COL6A5: variants seen among roughly 807,000 people sequenced by gnomAD.
COL6A5 encodes the protein collagen alpha-5(VI) chain.
A neutral mutation model predicts 65.6 loss-of-function variants in COL6A5; 48 were observed. That is an observed-to-expected ratio of 0.73 (90% CI 0.58 to 0.93). The LOEUF is 0.93. COL6A5 is among the 40% of genes least tolerant of loss of function. COL6A5 has a pLI of 0.00. For missense variants in COL6A5, 914 were observed against 928.3 expected (o/e 0.98, Z 0.20); for synonymous variants, 291 against 322.8 (o/e 0.90, Z 1.05).
In COL6A5 at chr3:130,406,327, A is replaced by C. The variant is rs59629559; in HGVS notation, c.4479+6A>C. On this transcript the variant is annotated splice_donor_region_variant and intron_variant and NMD_transcript_variant, in intron 17 of 41. Transcript: ENST00000312481. ...AAGGTGATCCAGGATCTCAGGTAAC[A>C]CTTTTCTTTTCAATACTTCAAAGAA... 2.6e-6 allele frequency: 4 copies of C among 1,545,892 alleles called. No homozygotes were observed. Among genetic ancestry groups the C allele is most frequent in the Non-Finnish European group, 3.5e-6 (4 of 1,142,120 alleles).
At chr3:130,438,430 G>C (rs951117010) in intron 1 of COL6A5, among the ~76,000 whole-genome samples, 2 of 152,142 alleles carry the variant, frequency 1.3e-5, no homozygotes, top group Non-Finnish European at 2.9e-5. Context: ...AATGAATGAA[G>C]AGCATGGGGT....
At chr3:130,461,924 A>C (rs930400479) in intron 5 of COL6A5, among the ~76,000 whole-genome samples, 2 of 151,968 alleles carry the variant, frequency 1.3e-5, no homozygotes, top group African/African-American at 4.8e-5. Flanking sequence ...CTTTCTGCAG[A>C]CTACTGTTTC....
exon 8 of COL6A5, chr3:130,484,483 T>G: frequency 5.0e-6 from 2 of 401,650 alleles, no homozygotes; most frequent in Non-Finnish European, 8.8e-6. Flanking sequence ...TTCTTAAAAC[T>G]GGAAAGCCAT....
Position 130,358,651 on chromosome 3 carries a change from TC to T in COL6A5, c.-29+12676del, listed in dbSNP as rs202185722. Among the ~76,000 whole-genome samples the T allele has an allele frequency of 3.9e-3, 601 of 152,216 alleles. 2 individuals are homozygous for T. The highest frequency in any genetic ancestry group is 0.013 in the African/African-American group (539 of 41,534). ...AGCCATGTGGTAATGTGGAATTTTTTCCCCCCAATCAGGATTCCAAAACTTC... is the reference window on the plus strand; with the variant it reads ...AGCCATGTGGTAATGTGGAATTTTTTCCCCCAATCAGGATTCCAAAACTTC... On this transcript the variant is annotated intron_variant and NMD_transcript_variant, in intron 1 of 41. Coordinates refer to the COL6A5 transcript ENST00000312481.
intron 12 of COL6A5, among the ~76,000 whole-genome samples, chr3:130,402,864 A>C (rs1209331407): frequency 1.3e-5 from 2 of 152,220 alleles, no homozygotes; most frequent in Non-Finnish European, 2.9e-5. Flanking sequence ...ATACAAATGA[A>C]GTTTTTCTTT....
At position 130,388,823 on chromosome 3, in the gene COL6A5, A is replaced by G. The variant is rs561794912; in HGVS notation, c.2105A>G (p.Asn702Ser). The G allele has an allele frequency of 1.8e-4, 273 of 1,551,412 alleles. No homozygotes were observed. The highest frequency in any genetic ancestry group is 3.5e-4 in the Admixed American group (18 of 50,984). ...GCAATAGATAGAATGTCTCTCATCA[A>G]TGAAGGCACTTTAACTGGAAAGGCA... The change falls in exon 6 of 42, where the codon AAT becomes AGT. Residue 702 changes from asparagine to serine, a missense_variant and NMD_transcript_variant. Coordinates refer to the COL6A5 transcript ENST00000312481.
exon 23 of COL6A5, chr3:130,415,675 GA>G (rs1937316477): frequency 1.9e-6 from 3 of 1,548,294 alleles, no homozygotes; most frequent in South Asian, 2.4e-5. Context: ...CAGAAAAGGA[GA>G]AAAAGGAAGC....
At chr3:130,452,124 T>C (rs185657236) in intron 4 of COL6A5, among the ~76,000 whole-genome samples, 17 of 152,278 alleles carry the variant, frequency 1.1e-4, no homozygotes, top group Non-Finnish European at 2.2e-4. Context: ...GAGATAAGCA[T>C]GATGCTTAGA....
intron 22 of COL6A5, among the ~76,000 whole-genome samples, chr3:130,415,345 G>A (rs985397423): frequency 2.6e-4 from 39 of 152,062 alleles, no homozygotes; most frequent in Non-Finnish European, 2.9e-5. Flanking sequence ...TCATCTGACT[G>A]TTGTTTGTGT....
exon 8 of COL6A5, chr3:130,484,215 TGAG>T: frequency 4.8e-6 from 3 of 627,490 alleles, no homozygotes; most frequent in South Asian, 5.4e-5. Context: ...TCTCAAATCT[TGAG>T]GAGAAGAATT....
chr3:130,449,155 T>C (rs561973332), intron 4 of COL6A5, among the ~76,000 whole-genome samples: 1 of 152,274 alleles, frequency 6.6e-6, no homozygotes, highest in South Asian at 2.1e-4. Context: ...CACTGCTAAA[T>C]CCAAATGGGT....
At chr3:130,416,724 T>A (rs781367886) in intron 23 of COL6A5, 33 bp from the exon 24 acceptor site, 3 of 1,266,278 alleles carry the variant, frequency 2.4e-6, no homozygotes, top group African/African-American at 3.0e-5. Context: ...ATTACTACGG[T>A]GCCAACATTT....
At chr3:130,457,797 T>TAGTG (rs1321777368) in intron 5 of COL6A5, among the ~76,000 whole-genome samples, 2 of 152,172 alleles carry the variant, frequency 1.3e-5, no homozygotes, top group Non-Finnish European at 2.9e-5. Context: ...GTTTTCTGTA[T>TAGTG]AGTGTGCTGT....
At chr3:130,483,987 A>C in intron 7 of COL6A5, 48 bp from the exon 41 acceptor site, 1 of 1,567,506 alleles carries the variant, frequency 6.4e-7, no homozygotes, top group Non-Finnish European at 8.7e-7. Flanking sequence ...GAACATTTTG[A>C]ACAAATACAA....
At chr3:130,407,601 A>C (rs971830842) in intron 17 of COL6A5, among the ~76,000 whole-genome samples, 1 of 152,226 alleles carries the variant, frequency 6.6e-6, no homozygotes, top group Non-Finnish European at 1.5e-5. Context: ...TGAGGCTAGC[A>C]GGGCACCTAA....
intron 17 of COL6A5, among the ~76,000 whole-genome samples, chr3:130,406,629 A>G (rs1217679398): frequency 6.6e-6 from 1 of 152,124 alleles, no homozygotes; most frequent in Non-Finnish European, 1.5e-5. Flanking sequence ...TTTTACCACA[A>G]CGTTTCCATC....
chr3:130,358,649 T>C (rs1370038390), intron 1 of COL6A5, among the ~76,000 whole-genome samples: 1 of 152,166 alleles, frequency 6.6e-6, no homozygotes, highest in Non-Finnish European at 1.5e-5. Flanking sequence ...TGTGGAATTT[T>C]TTCCCCCCAA....
intron 1 of COL6A5, among the ~76,000 whole-genome samples, chr3:130,433,575 C>T (rs1242308097): frequency 1.3e-5 from 2 of 152,136 alleles, no homozygotes; most frequent in Non-Finnish European, 2.9e-5. Flanking sequence ...GCACTCTTCT[C>T]CACTCAGGAC....
chr3:130,406,372 A>G, intron 17 of COL6A5, 51 bp downstream of exon 17: 3 of 1,367,632 alleles, frequency 2.2e-6, no homozygotes, highest in Non-Finnish European at 3.1e-6. Flanking sequence ...GGTGACAGAG[A>G]CAGTCTTAAC....
Sources: allele counts gnomAD v4.1 joint callset (sites outside exome capture counted in the v4.1 genomes callset), GRCh38; gene constraint gnomAD v4.1.1; transcripts MANE v1.5; gene names NCBI Gene and HGNC (gene_info 2026-07-23, HGNC 2026-07-21).